Variants in STAU2 observed in about 807,000 individuals in gnomAD.
The protein encoded by STAU2 is double-stranded RNA-binding protein Staufen homolog 2.
STAU2 carries 20 observed loss-of-function variants against 65.9 expected under a neutral mutation model. The observed-to-expected ratio is 0.30, with a 90% CI of 0.21 to 0.44. The LOEUF (loss-of-function observed/expected upper bound fraction) is 0.44. Among genes scored for constraint, STAU2 ranks in the 20% least tolerant of loss-of-function variants. STAU2 has a pLI of 1.00. For missense variants in STAU2, 558 were observed against 683.9 expected (o/e 0.82, Z 2.05); for synonymous variants, 232 against 233.9 (o/e 0.99, Z 0.07).
chr8:73,457,745 T>C (rs1280284536), intron 13 of STAU2, among the ~76,000 whole-genome samples: 2 of 152,256 alleles, frequency 1.3e-5, no homozygotes, highest in Admixed American at 1.3e-4. Flanking sequence ...TTTATTCACA[T>C]AATTTCCATC....
At chr8:73,596,511 G>T (rs1218746652) in intron 10 of STAU2, among the ~76,000 whole-genome samples, 2 of 152,110 alleles carry the variant, frequency 1.3e-5, no homozygotes, top group Non-Finnish European at 2.9e-5. Context: ...TTTACACAGT[G>T]GTCTCAGTAA....
intron 13 of STAU2, among the ~76,000 whole-genome samples, chr8:73,488,871 G>C (rs1821038708): frequency 6.6e-6 from 1 of 151,856 alleles, no homozygotes; most frequent in African/African-American, 2.4e-5. Flanking sequence ...GTGGGTCAGA[G>C]GAATTAATGA....
intron 13 of STAU2, among the ~76,000 whole-genome samples, chr8:73,428,237 G>A (rs1816975434): frequency 1.3e-5 from 2 of 152,066 alleles, no homozygotes; most frequent in African/African-American, 4.8e-5. Context: ...GTCTATGTTT[G>A]GCATATTTCA....
At chr8:73,702,433 T>G (rs1820179017) in intron 4 of STAU2, among the ~76,000 whole-genome samples, 1 of 152,138 alleles carries the variant, frequency 6.6e-6, no homozygotes, top group Non-Finnish European at 1.5e-5. Flanking sequence ...TGTTTGTTCT[T>G]TTTCTTCACA....
intron 13 of STAU2, among the ~76,000 whole-genome samples, chr8:73,463,638 G>A (rs1819493659): frequency 6.6e-6 from 1 of 152,196 alleles, no homozygotes; most frequent in African/African-American, 2.4e-5. Flanking sequence ...ACTTTTATGA[G>A]AAGCATGTTC....
chr8:73,666,361 T>C (rs983518164), intron 6 of STAU2, among the ~76,000 whole-genome samples: 1 of 152,226 alleles, frequency 6.6e-6, no homozygotes, highest in African/African-American at 2.4e-5. Flanking sequence ...TGCAATCAAG[T>C]CAATTTGGAT....
chr8:73,707,355 T>A (rs1020343546), intron 4 of STAU2, among the ~76,000 whole-genome samples: 1 of 152,156 alleles, frequency 6.6e-6, no homozygotes, highest in Non-Finnish European at 1.5e-5. Context: ...AGACTGAAAT[T>A]AACATTATGC....
chr8:73,723,061 T>C (rs1821794950), intron 3 of STAU2, among the ~76,000 whole-genome samples: 1 of 151,998 alleles, frequency 6.6e-6, no homozygotes, highest in Non-Finnish European at 1.5e-5. Flanking sequence ...GAAACCAGCC[T>C]TAGACAGAAT....
At chr8:73,622,483 G>A (rs1395896635) in intron 6 of STAU2, among the ~76,000 whole-genome samples, 2 of 152,086 alleles carry the variant, frequency 1.3e-5, no homozygotes, top group African/African-American at 2.4e-5. Context: ...GGCAGGAGAT[G>A]TCCCCAAGGT....
chr8:73,535,142 T>C (rs1806095759), intron 13 of STAU2, among the ~76,000 whole-genome samples: 1 of 152,144 alleles, frequency 6.6e-6, no homozygotes, highest in South Asian at 2.1e-4. Flanking sequence ...GTGACAAGCA[T>C]GTACATGACA....
chr8:73,746,847 G>C (rs1807326575), upstream of STAU2: 4 of 1,218,800 alleles, frequency 3.3e-6, no homozygotes, highest in Non-Finnish European at 3.1e-6. Context: ...AACTGACCCC[G>C]CTCGGCCGCC....
At chr8:73,495,820 T>C (rs1585873840) in intron 13 of STAU2, among the ~76,000 whole-genome samples, 1 of 151,558 alleles carries the variant, frequency 6.6e-6, no homozygotes, top group South Asian at 2.1e-4. Flanking sequence ...AATTGATTCA[T>C]ACAGTTGTAG....
intron 13 of STAU2, among the ~76,000 whole-genome samples, chr8:73,464,269 T>C (rs972686247): frequency 3.3e-5 from 5 of 152,124 alleles, no homozygotes; most frequent in East Asian, 1.9e-4. Flanking sequence ...AGCTAGCAAA[T>C]TGGTTCTCAG....
At chr8:73,739,521 C>G (rs1470647642) in intron 2 of STAU2, among the ~76,000 whole-genome samples, 1 of 152,140 alleles carries the variant, frequency 6.6e-6, no homozygotes, top group East Asian at 1.9e-4. Context: ...CACATACATA[C>G]ACAAACACAC....
At chr8:73,598,960 T>C (rs1811420129) in intron 10 of STAU2, among the ~76,000 whole-genome samples, 1 of 152,200 alleles carries the variant, frequency 6.6e-6, no homozygotes, top group Non-Finnish European at 1.5e-5. Flanking sequence ...AAACAAAGTC[T>C]TATTGAGAAA....
At chr8:73,724,238 T>G (rs1805464436) in intron 3 of STAU2, among the ~76,000 whole-genome samples, 1 of 152,182 alleles carries the variant, frequency 6.6e-6, no homozygotes, top group Non-Finnish European at 1.5e-5. Context: ...CATATTTTGT[T>G]TTTTTGGAGA....
intron 13 of STAU2, among the ~76,000 whole-genome samples, chr8:73,547,655 A>T (rs1346668734): frequency 2.6e-5 from 4 of 152,186 alleles, no homozygotes; most frequent in Non-Finnish European, 5.9e-5. Context: ...GCTTTTTAAG[A>T]ATTTTTAAGA....
At chr8:73,486,587 T>C in intron 13 of STAU2, among the ~76,000 whole-genome samples, 1 of 149,504 alleles carries the variant, frequency 6.7e-6, no homozygotes, top group East Asian at 2.0e-4. Flanking sequence ...GAAAATCCTT[T>C]CTCTTTTTCC....
chr8:73,708,533 A>C (rs915906139), intron 4 of STAU2, among the ~76,000 whole-genome samples: 3 of 152,226 alleles, frequency 2.0e-5, no homozygotes, highest in African/African-American at 7.2e-5. Context: ...TAATAAGAAC[A>C]GTGGTATATA....
Sources: allele counts gnomAD v4.1 joint callset (sites outside exome capture counted in the v4.1 genomes callset), GRCh38; gene constraint gnomAD v4.1.1; transcripts MANE v1.5; gene names NCBI Gene and HGNC (gene_info 2026-07-23, HGNC 2026-07-21).